Variants in DMRTC2 observed in about 807,000 individuals in gnomAD.
The protein encoded by DMRTC2 is doublesex- and mab-3-related transcription factor C2.
A neutral mutation model predicts 39.9 loss-of-function variants in DMRTC2; 13 were observed. That is an observed-to-expected ratio of 0.33 (90% CI 0.21 to 0.52). DMRTC2 has a LOEUF of 0.52. Among genes scored for constraint, DMRTC2 ranks in the 20% least tolerant of loss-of-function variants. The pLI is 0.96. For synonymous variants in DMRTC2, 189 were observed against 185.2 expected, an observed-to-expected ratio of 1.02 and a Z score of -0.17; for missense variants, 431 against 472.8, an observed-to-expected ratio of 0.91 and a Z score of 0.82.
In DMRTC2 at chr19:41,851,564, C is replaced by T. The variant is rs782195203; in HGVS notation, c.992-20C>T. 10 of 1,606,950 alleles carry T rather than the reference C, an allele frequency of 6.2e-6. No homozygotes were observed. Among genetic ancestry groups the T allele is most frequent in the Non-Finnish European group, 8.5e-6 (10 of 1,173,724 alleles). On this transcript the variant is annotated intron_variant, in intron 8 of 8. Transcript: ENST00000269945. ...AAAAACAGGTGTGACCTGATCCTGC[C>T]CCTTCCTTCTTGCCTGTAGCTCCTG...
In DMRTC2 at chr19:41,850,307, T is replaced by C. The variant is rs2073935258; in HGVS notation, c.756-5T>C. On this transcript the variant is annotated splice_polypyrimidine_tract_variant and splice_region_variant and intron_variant, in intron 6 of 8. Coordinates refer to ENST00000269945, the MANE Select transcript of DMRTC2 (RefSeq NM_001040283.3). ...CACCCTGGCATCTTCTCTCCTTGTT[T>C]CTAGACACTCAACTCTGATACTCCA... is the stretch of plus-strand genomic sequence containing the variant. The C allele has an allele frequency of 1.3e-6, 2 of 1,493,034 alleles. No individual in the cohort carries two copies. Among genetic ancestry groups the C allele is most frequent in the African/African-American group, 1.4e-5 (1 of 70,340 alleles). 92.5% of individuals were successfully genotyped at this position (1,493,034 alleles called of 1,614,324 possible).
chr19:41,848,601 C>A, intron 4 of DMRTC2, 73 bp downstream of exon 4: 1 of 1,369,986 alleles, frequency 7.3e-7, no homozygotes, highest in Non-Finnish European at 1.0e-6. Context: ...TCTGTGCCCT[C>A]AACACCTGGG....
chr19:41,848,867 G>A lies in DMRTC2; in HGVS notation c.520G>A (p.Gly174Ser). 5 of 1,612,696 alleles carry A rather than the reference G, an allele frequency of 3.1e-6. No homozygotes were observed. The South Asian group carries it at 5.5e-5, about 18-fold the overall frequency. The change falls in exon 5 of 9, where the codon GGC (glycine) becomes AGC (serine). Residue 174 changes from glycine (G) to serine (S), a missense_variant. Coordinates refer to ENST00000269945, the MANE Select transcript of DMRTC2 (RefSeq NM_001040283.3). ...CTTGTCCTGGACTCCGGTGCCTCCTGGCCCTTGGGTCCCTGGACACTGGCT... is the reference window on the plus strand; with the variant it reads ...CTTGTCCTGGACTCCGGTGCCTCCTAGCCCTTGGGTCCCTGGACACTGGCT... The part of the protein sequence containing the change: ...SPLSWTPVPP[G>S]PWVPGHWLPP...
At chr19:41,847,968 G>A (rs1555836415) in intron 3 of DMRTC2, 87 bp downstream of exon 3, 3 of 1,477,368 alleles carry the variant, frequency 2.0e-6, no homozygotes, top group East Asian at 4.9e-5. Context: ...CTGCTGAATT[G>A]GTGTACGACC....
At position 41,848,776 on chromosome 19, in the gene DMRTC2, G is replaced by A. The variant is rs1466772310; in HGVS notation, c.448-19G>A. 2 of 1,606,866 alleles carry A rather than the reference G, an allele frequency of 1.2e-6. No individual in the cohort carries two copies. The highest frequency in any genetic ancestry group is 2.2e-5 in the East Asian group (1 of 44,886). On this transcript the variant is annotated intron_variant, in intron 4 of 8. Transcript: ENST00000269945. ...CCAGCCTTGTACCCAACTCCAGCCT[G>A]TGCCCTCTGCCCCTGCAGAACTCCT... is the stretch of plus-strand genomic sequence containing the variant.
chr19:41,846,709 A>C (rs1296845044), intron 1 of DMRTC2, among the ~76,000 whole-genome samples: 1 of 151,910 alleles, frequency 6.6e-6, no homozygotes, highest in Non-Finnish European at 1.5e-5. Context: ...CTGGGACTAC[A>C]GGCACCCGCC....
At position 41,850,704 on chromosome 19, in the gene DMRTC2, G is replaced by C; in HGVS notation, c.991+4G>C. 1 of 1,561,358 alleles carries C rather than the reference G, an allele frequency of 6.4e-7. No homozygotes were observed. The highest frequency in any genetic ancestry group is 1.2e-5 in the South Asian group (1 of 84,254). ...CTTCACCCCTGTGGCCCACCAGGTGGGCCATGAAAGGAGAGGATGGATAGG... is the reference window on the plus strand; with the variant it reads ...CTTCACCCCTGTGGCCCACCAGGTGCGCCATGAAAGGAGAGGATGGATAGG... On this transcript the variant is annotated splice_donor_region_variant and intron_variant, in intron 8 of 8. Coordinates refer to ENST00000269945, the MANE Select transcript of DMRTC2 (RefSeq NM_001040283.3).
rs8100845 is a variant in DMRTC2 at position 41,849,898 on chromosome 19, G to T, written c.756-414G>T. On this transcript the variant is annotated intron_variant, in intron 6 of 8. Coordinates refer to ENST00000269945, the MANE Select transcript of DMRTC2 (RefSeq NM_001040283.3). ...AGTTTGAGACCACCTGAGTAACTGA[G>T]CGAGACTTCGTCTCTACAAAAAAAT... Among the ~76,000 whole-genome samples the T allele has an allele frequency of 6.0e-3, 921 of 152,264 alleles. 8 individuals carry two copies. Among genetic ancestry groups the T allele is most frequent in the African/African-American group, 0.022 (895 of 41,530 alleles).
In DMRTC2 at chr19:41,849,275, A is replaced by G; in HGVS notation, c.755+19A>G. 1 of 1,613,252 alleles carries G rather than the reference A, an allele frequency of 6.2e-7. No homozygotes were observed. Among genetic ancestry groups the G allele is most frequent in the Non-Finnish European group, 8.5e-7 (1 of 1,179,626 alleles). ...CCCGCACGTGAGTAGGGAGAGAAGGATGTGTATCATAAGCCTAAGCCTGTG... is the reference window on the plus strand; with the variant it reads ...CCCGCACGTGAGTAGGGAGAGAAGGGTGTGTATCATAAGCCTAAGCCTGTG... On this transcript the variant is annotated intron_variant, in intron 6 of 8. Transcript: ENST00000269945.
Position 41,849,237 on chromosome 19 carries a change from C to G in DMRTC2, c.736C>G (p.Pro246Ala). Residue 246 changes from proline (P) to alanine (A), a missense_variant, in exon 6 of 9, where the codon CCC becomes GCC. Pro to Ala is a conservative substitution (Grantham distance 27). Coordinates refer to ENST00000269945, the MANE Select transcript of DMRTC2 (RefSeq NM_001040283.3). ...TAPLSGEPQGPPSQPRTHSTL... is the reference protein window; with the variant it reads ...TAPLSGEPQGAPSQPRTHSTL... ...TCCTCTTTCTGGAGAGCCCCAAGGG[C>G]CCCCTAGCCAGCCCCGCACGTGAGT... 6.2e-7 allele frequency: 1 copy of G among 1,613,984 alleles called. No individual in the cohort carries two copies. Among genetic ancestry groups the G allele is most frequent in the Non-Finnish European group, 8.5e-7 (1 of 1,179,946 alleles).
chr19:41,846,779 G>A (rs1328226873), intron 1 of DMRTC2, among the ~76,000 whole-genome samples: 2 of 151,864 alleles, frequency 1.3e-5, no homozygotes, highest in Admixed American at 6.5e-5. Flanking sequence ...GTGTTAGCCA[G>A]GATGGTCTCG....
Position 41,848,285 on chromosome 19 carries a change from G to T in DMRTC2, c.371-167G>T, listed in dbSNP as rs141807077. 5.5e-3 allele frequency among the ~76,000 whole-genome samples: 839 copies of T among 152,178 alleles called. 9 individuals are homozygous for T. The highest frequency in any genetic ancestry group is 0.02 in the African/African-American group (813 of 41,498). ...CACTTGAACCCAGGAGGCGGAGGTT[G>T]TAGTGAGCCAAGATCACGCCACTGC... On this transcript the variant is annotated intron_variant, in intron 3 of 8. Transcript: ENST00000269945.
intron 6 of DMRTC2, among the ~76,000 whole-genome samples, chr19:41,849,478 A>G (rs1175034010): frequency 6.6e-6 from 1 of 152,182 alleles, no homozygotes; most frequent in Non-Finnish European, 1.5e-5. Flanking sequence ...AGACACTATT[A>G]CTTACCTCTC....
intron 8 of DMRTC2, 88 bp downstream of exon 8, chr19:41,850,788 G>T (rs1264187212): frequency 7.2e-7 from 1 of 1,391,992 alleles, no homozygotes; most frequent in South Asian, 1.5e-5. Flanking sequence ...AGATGAGGGG[G>T]TCGACAGGTT....
At chr19:41,851,090 G>T in intron 8 of DMRTC2, 1 of 225,646 alleles carries the variant, frequency 4.4e-6, no homozygotes, top group Non-Finnish European at 8.6e-6. Context: ...GTTCTAGTTA[G>T]GGAAATTGGA....
chr19:41,850,625 C>G lies in DMRTC2; in HGVS notation c.916C>G (p.Gln306Glu). 5 of 1,613,820 alleles carry G rather than the reference C, an allele frequency of 3.1e-6. No homozygotes were observed. The highest frequency in any genetic ancestry group is 4.2e-6 in the Non-Finnish European group (5 of 1,179,908). ...EALVGLKDSS[Q>E]APRVTPSVPP... ...CCTCGTGGGGCTGAAAGATTCATCC[C>G]AGGCTCCTCGTGTGACCCCTTCTGT... is the stretch of plus-strand genomic sequence containing the variant. The change falls in exon 8 of 9, where the codon CAG becomes GAG. Residue 306 changes from glutamine (Q) to glutamate (E), a missense_variant. Transcript: ENST00000269945.
chr19:41,850,095 A>T, intron 6 of DMRTC2: 1 of 429,378 alleles, frequency 2.3e-6, no homozygotes, highest in South Asian at 8.3e-5. Flanking sequence ...AAAAAAAGAC[A>T]CTAGTGATTT....
chr19:41,850,808 C>G (rs946732061), intron 8 of DMRTC2, 108 bp downstream of exon 8: 4 of 1,216,808 alleles, frequency 3.3e-6, no homozygotes, highest in Non-Finnish European at 4.4e-6. Flanking sequence ...TGAACGTCTT[C>G]AGGCCCAGGA....
At chr19:41,844,956 C>T (rs1555835097), upstream of DMRTC2, 1 of 152,230 alleles carries the variant, frequency 6.6e-6, no homozygotes, top group Non-Finnish European at 1.5e-5. Context: ...TCGTCTGCCT[C>T]GGCTGAGAGA....
Sources: allele counts gnomAD v4.1 joint callset (sites outside exome capture counted in the v4.1 genomes callset), GRCh38; gene constraint gnomAD v4.1.1; transcripts MANE v1.5; gene names NCBI Gene and HGNC (gene_info 2026-07-23, HGNC 2026-07-21).